The following MAOB variants were observed in gnomAD, a reference collection of about 807,000 sequenced individuals.
MAOB encodes amine oxidase [flavin-containing] B.
MAOB carries 15 observed loss-of-function variants against 41.9 expected under a neutral mutation model. That is an observed-to-expected ratio of 0.36 (90% CI 0.24 to 0.55). MAOB has a LOEUF of 0.55. Ranked by LOEUF, MAOB falls within the 20% of genes least tolerant of loss-of-function variation. MAOB has a pLI of 0.86. For synonymous variants in MAOB, 167 were observed against 144.2 expected (o/e 1.16, Z -1.13); for missense variants, 345 against 398.7 (o/e 0.87, Z 1.15).
intron 3 of MAOB, among the ~76,000 whole-genome samples, chrX:43,811,982 C>T (rs997837933): frequency 1.8e-5 from 2 of 111,499 alleles, no homozygotes; most frequent in African/African-American, 6.5e-5. Flanking sequence ...TTATCTTCCT[C>T]CCACCAACAT....
chrX:43,842,561 C>A (rs1331580425), intron 2 of MAOB, among the ~76,000 whole-genome samples: 1 of 112,064 alleles, frequency 8.9e-6, no homozygotes, highest in Non-Finnish European at 1.9e-5. Context: ...ATTCAGCAAT[C>A]CCATTTTTGG....
intron 3 of MAOB, among the ~76,000 whole-genome samples, chrX:43,816,763 G>A (rs1368078997): frequency 1.8e-5 from 2 of 111,770 alleles, no homozygotes; most frequent in Non-Finnish European, 3.8e-5. Flanking sequence ...TAAGAGGAAG[G>A]GGTTTAAAAA....
At chrX:43,869,417 C>T (rs1197280838) in intron 1 of MAOB, among the ~76,000 whole-genome samples, 1 of 111,615 alleles carries the variant, frequency 9.0e-6, no homozygotes, top group Non-Finnish European at 1.9e-5. Flanking sequence ...GCTTTGGTTC[C>T]CCTCCCCAGC....
chrX:43,881,760 G>T lies in MAOB; in HGVS notation c.46+494C>A, dbSNP rs187807498. 6.8e-3 allele frequency among the ~76,000 whole-genome samples: 762 copies of T among 112,237 alleles called. 6 individuals are homozygous for T. The highest frequency in any genetic ancestry group is 0.023 in the African/African-American group (713 of 30,899). On this transcript the variant is annotated intron_variant, in intron 1 of 14. Transcript: ENST00000378069. ...TCCGTGACAATCACAGAACCTCAAAGAATCAGGAGGGCCTGGAAAGTCTTT... is the reference window on the plus strand; with the variant it reads ...TCCGTGACAATCACAGAACCTCAAATAATCAGGAGGGCCTGGAAAGTCTTT...
chrX:43,811,112 A>G lies in MAOB; in HGVS notation c.280-7708T>C, dbSNP rs1160890936. On this transcript the variant is annotated intron_variant, in intron 3 of 14. Transcript: ENST00000378069. Reference sequence around the variant, plus strand: ...TTAAAACATTTGAACTCCACTTCCTAGAATTGTCACCTAGTGAGTGAGTGA... The same window carrying G: ...TTAAAACATTTGAACTCCACTTCCTGGAATTGTCACCTAGTGAGTGAGTGA... Among the ~76,000 whole-genome samples the G allele has an allele frequency of 2.1e-4, 23 of 111,881 alleles. No individual in the cohort carries two copies. The Admixed American group carries it at 2.2e-3, about 11-fold the overall frequency.
At chrX:43,838,570 G>A (rs751246766) in intron 3 of MAOB, among the ~76,000 whole-genome samples, 5 of 111,633 alleles carry the variant, frequency 4.5e-5, no homozygotes, top group Non-Finnish European at 9.4e-5. Context: ...AAGACTTCCC[G>A]GTATTTAAAT....
Position 43,842,501 on chromosome X carries a change from G to C in MAOB, c.141+1169C>G, listed in dbSNP as rs138933905. Among the ~76,000 whole-genome samples the C allele has an allele frequency of 2.1e-3, 236 of 112,526 alleles. 1 individual carries two copies. The East Asian group carries it at 0.038, about 18-fold the overall frequency. The stretch of plus-strand genomic sequence containing the variant: ...CAGCTATTACAGAAAACAGTATGGA[G>C]GTTCCTCAGAAAACTAAAAATGGAA... On this transcript the variant is annotated intron_variant, in intron 2 of 14. Transcript: ENST00000378069.
At chrX:43,849,967 C>T (rs1397620472) in intron 1 of MAOB, among the ~76,000 whole-genome samples, 1 of 112,450 alleles carries the variant, frequency 8.9e-6, no homozygotes, top group African/African-American at 3.2e-5. Context: ...GAAAGAAAGA[C>T]AGTCAGCCAA....
At chrX:43,810,812 T>C (rs2034737799) in intron 3 of MAOB, among the ~76,000 whole-genome samples, 1 of 111,576 alleles carries the variant, frequency 9.0e-6, no homozygotes, top group African/African-American at 3.3e-5. Context: ...GGATGTACTG[T>C]AGGAATAATG....
intron 14 of MAOB, 117 bp downstream of exon 14, chrX:43,768,537 A>G: frequency 5.4e-6 from 3 of 559,755 alleles, no homozygotes; most frequent in Non-Finnish European, 8.9e-6. Context: ...TTCATGTTTA[A>G]ATCACTTAGT....
At chrX:43,824,599 C>A (rs2034922102) in intron 3 of MAOB, among the ~76,000 whole-genome samples, 1 of 111,659 alleles carries the variant, frequency 9.0e-6, no homozygotes, top group South Asian at 3.8e-4. Flanking sequence ...AGGAGAATTG[C>A]TTGAACCTGG....
chrX:43,768,182 C>T (rs2034135499), intron 14 of MAOB, among the ~76,000 whole-genome samples: 1 of 111,963 alleles, frequency 8.9e-6, no homozygotes, highest in African/African-American at 3.2e-5. Context: ...TCCCTCCTTC[C>T]AGCCAGGAAA....
intron 11 of MAOB, among the ~76,000 whole-genome samples, chrX:43,777,344 G>C (rs1298744522): frequency 9.0e-6 from 1 of 110,535 alleles, no homozygotes; most frequent in Non-Finnish European, 1.9e-5. Flanking sequence ...CTTGAGCCTG[G>C]AGGCTATGCC....
intron 1 of MAOB, among the ~76,000 whole-genome samples, chrX:43,852,314 A>C (rs2035257196): frequency 8.9e-6 from 1 of 112,095 alleles, no homozygotes; most frequent in Middle Eastern, 4.2e-3. Flanking sequence ...GATGTGAATA[A>C]AAATATGTGT....
intron 1 of MAOB, among the ~76,000 whole-genome samples, chrX:43,858,191 G>T (rs2035310830): frequency 9.0e-6 from 1 of 111,235 alleles, no homozygotes; most frequent in Admixed American, 9.5e-5. Flanking sequence ...TACAATGTAG[G>T]GCTCATTGAC....
At chrX:43,829,442 T>G (rs778594691) in intron 3 of MAOB, among the ~76,000 whole-genome samples, 14 of 112,509 alleles carry the variant, frequency 1.2e-4, no homozygotes, top group African/African-American at 4.2e-4. Flanking sequence ...ATAAATTTAT[T>G]CCCTTGAATT....
At chrX:43,840,859 G>A (rs559290822) in intron 2 of MAOB, among the ~76,000 whole-genome samples, 53 of 108,707 alleles carry the variant, frequency 4.9e-4, no homozygotes, top group African/African-American at 1.7e-3. Flanking sequence ...AAAACTGGGC[G>A]GCCATTTGGG....
chrX:43,819,390 C>T (rs1056050605), intron 3 of MAOB, among the ~76,000 whole-genome samples: 1 of 111,311 alleles, frequency 9.0e-6, no homozygotes, highest in African/African-American at 3.3e-5. Flanking sequence ...GGCCCTCTTG[C>T]CCCACTCAGG....
chrX:43,813,621 C>A (rs2034774214), intron 3 of MAOB, among the ~76,000 whole-genome samples: 1 of 112,049 alleles, frequency 8.9e-6, no homozygotes, highest in Admixed American at 9.5e-5. Context: ...GACTCAATGA[C>A]CAGCCAGATC....
Sources: allele counts gnomAD v4.1 joint callset (sites outside exome capture counted in the v4.1 genomes callset), GRCh38; gene constraint gnomAD v4.1.1; transcripts MANE v1.5; gene names NCBI Gene and HGNC (gene_info 2026-07-23, HGNC 2026-07-21).